The following TXN variants were observed in gnomAD, a reference collection of about 807,000 sequenced individuals.
The protein encoded by TXN is ADF.
Under a neutral mutation model 16.5 loss-of-function variants are expected in TXN, and 10 were observed. That is an observed-to-expected ratio of 0.61 (90% CI 0.37 to 1.03). The LOEUF (loss-of-function observed/expected upper bound fraction) is 1.03. TXN is among the 50% of genes least tolerant of loss of function. The pLI is 0.01. For missense variants in TXN, 71 were observed against 122.5 expected (o/e 0.58, Z 1.98); for synonymous variants, 35 against 39.4 (o/e 0.89, Z 0.42).
At chr9:110,252,213 G>T (rs1837748330) in intron 1 of TXN, among the ~76,000 whole-genome samples, 1 of 59,362 alleles carries the variant, frequency 1.7e-5, no homozygotes, top group African/African-American at 6.6e-5. Flanking sequence ...AATAGACGGA[G>T]ACTCTGTCGC....
Position 110,251,462 on chromosome 9 carries a change from TCTAACAG to T in TXN, c.25-7_25-1del. On this transcript the variant is annotated splice_acceptor_variant and splice_polypyrimidine_tract_variant and intron_variant, in intron 1 of 4. Coordinates refer to ENST00000374517, the MANE Select transcript of TXN (RefSeq NM_003329.4). LOFTEE classifies it high-confidence loss of function. ...GCGTCCAAGGCTTCCTGAAAAGCAGTCTAACAGCAAAAGAAAAGCTTATATTAAATAA... is the reference window on the plus strand; with the variant it reads ...GCGTCCAAGGCTTCCTGAAAAGCAGTCAAAAGAAAAGCTTATATTAAATAA... The T allele has an allele frequency of 6.3e-7, 1 of 1,597,076 alleles. No individual in the cohort carries two copies. The highest frequency in any genetic ancestry group is 1.1e-5 in the South Asian group (1 of 90,144).
chr9:110,245,602 T>TACACACACACACAC (rs1554766611), intron 3 of TXN, among the ~76,000 whole-genome samples: 6 of 62,498 alleles, frequency 9.6e-5, no homozygotes, highest in African/African-American at 2.8e-4. Flanking sequence ...TGTATATATA[T>TACACACACACACAC]ACACACACAC....
chr9:110,251,544 A>G (rs1165315126), intron 1 of TXN, 82 bp from the exon 2 acceptor site: 1 of 492,418 alleles, frequency 2.0e-6, no homozygotes, highest in African/African-American at 2.1e-5. Flanking sequence ...AATGACACAA[A>G]GCACATTCTG....
intron 3 of TXN, among the ~76,000 whole-genome samples, chr9:110,245,875 G>C (rs1401156295): frequency 1.3e-5 from 2 of 151,240 alleles, no homozygotes; most frequent in African/African-American, 4.9e-5. Context: ...GACTAGCCTG[G>C]CTAACACGGA....
chr9:110,250,816 A>G lies in TXN; in HGVS notation c.189+4T>C, dbSNP rs547279026. On this transcript the variant is annotated splice_donor_region_variant and intron_variant, in intron 3 of 4. Coordinates refer to ENST00000374517, the MANE Select transcript of TXN (RefSeq NM_003329.4). Reference sequence around the variant, plus strand: ...AGCAGTATCTCATATTTCCAGCTACATACCTGACAGTCATCCACATCTACT... The same window carrying G: ...AGCAGTATCTCATATTTCCAGCTACGTACCTGACAGTCATCCACATCTACT... The G allele has an allele frequency of 6.2e-7, 1 of 1,607,930 alleles. No homozygotes were observed. The highest frequency in any genetic ancestry group is 2.2e-5 in the East Asian group (1 of 44,788).
At position 110,256,341 on chromosome 9, in the gene TXN, C is replaced by G; in HGVS notation, c.24+71G>C. The G allele has an allele frequency of 6.5e-7, 1 of 1,530,544 alleles. No homozygotes were observed. Among genetic ancestry groups the G allele is most frequent in the Non-Finnish European group, 8.9e-7 (1 of 1,127,050 alleles). 94.8% of individuals were successfully genotyped at this position (1,530,544 alleles called of 1,614,324 possible). On this transcript the variant is annotated intron_variant, in intron 1 of 4. Coordinates refer to ENST00000374517, the MANE Select transcript of TXN (RefSeq NM_003329.4). The surrounding 1 kb of genome is among the most constrained non-coding windows in gnomAD (Gnocchi z 4.2). ...TCCCGCCACCGCCTTCCCCACCTCC[C>G]GCCACCGCCTTCCCCAGTTACAGAG... is the stretch of plus-strand genomic sequence containing the variant.
intron 1 of TXN, 54 bp from the exon 2 acceptor site, chr9:110,251,516 AAAAG>A: frequency 9.2e-7 from 1 of 1,089,542 alleles, no homozygotes; most frequent in Non-Finnish European, 1.3e-6. Context: ...TTAAACCTTC[AAAAG>A]AAAGACTCGA....
At chr9:110,251,300 T>G in intron 2 of TXN, 58 bp downstream of exon 2, 1 of 1,286,618 alleles carries the variant, frequency 7.8e-7, no homozygotes, top group Non-Finnish European at 1.1e-6. Flanking sequence ...CCTACCACTG[T>G]GACCACCAAC....
chr9:110,252,247 C>G (rs1207860529), intron 1 of TXN, among the ~76,000 whole-genome samples: 2 of 82,354 alleles, frequency 2.4e-5, no homozygotes, highest in Non-Finnish European at 4.9e-5. Flanking sequence ...AAAAAAAAAG[C>G]TATGACTTTT....
At chr9:110,249,307 T>TAA (rs71492877) in intron 3 of TXN, among the ~76,000 whole-genome samples, 22,109 of 143,312 alleles carry the variant, frequency 0.15, 2,258 homozygotes, top group African/African-American at 0.29. Flanking sequence ...ACACTCTTTT[T>TAA]AAAAAAAAAA....
chr9:110,248,761 T>C (rs1167886143), intron 3 of TXN, among the ~76,000 whole-genome samples: 2 of 151,974 alleles, frequency 1.3e-5, no homozygotes, highest in African/African-American at 4.8e-5. Flanking sequence ...ATAGTTATCG[T>C]GAGGATTAAA....
In TXN at chr9:110,245,641, TATATA is replaced by T. The variant is rs1837643921; in HGVS notation, c.190-803_190-799del. 1.4e-3 allele frequency among the ~76,000 whole-genome samples: 45 copies of T among 32,848 alleles called. 3 individuals are homozygous for T. The highest frequency in any genetic ancestry group is 2.7e-3 in the African/African-American group (20 of 7,382). The allele number at this position is 32,848 out of a possible 152,430, so 21.5% of individuals were successfully genotyped here. On this transcript the variant is annotated intron_variant, in intron 3 of 4. Coordinates refer to ENST00000374517, the MANE Select transcript of TXN (RefSeq NM_003329.4). ...CACTATATATATATATATATATATA[TATATA>T]TATATATATTTTTTTTTTTTTTTTT...
In TXN at chr9:110,247,603, T is replaced by C. The variant is rs191335994; in HGVS notation, c.190-2760A>G. Among the ~76,000 whole-genome samples the C allele has an allele frequency of 2.9e-4, 44 of 152,340 alleles. No individual in the cohort carries two copies. The East Asian group carries it at 8.3e-3, about 29-fold the overall frequency. ...TGCAATTACATACAAAGTATACCAC[T>C]ACAGACTGCTTTACCTGCGGAATAG... On this transcript the variant is annotated intron_variant, in intron 3 of 4. Coordinates refer to ENST00000374517, the MANE Select transcript of TXN (RefSeq NM_003329.4).
At chr9:110,254,445 T>G (rs1393754091) in intron 1 of TXN, among the ~76,000 whole-genome samples, 1 of 152,180 alleles carries the variant, frequency 6.6e-6, no homozygotes, top group Non-Finnish European at 1.5e-5. Flanking sequence ...TCGCTTGAAC[T>G]CAGGAGGTGG....
At chr9:110,246,927 G>T (rs1837667071) in intron 3 of TXN, among the ~76,000 whole-genome samples, 1 of 152,140 alleles carries the variant, frequency 6.6e-6, no homozygotes, top group Non-Finnish European at 1.5e-5. Flanking sequence ...AATAAGGTTG[G>T]TCTATCATTT....
intron 3 of TXN, 146 bp from the exon 4 acceptor site, chr9:110,244,989 A>G: frequency 1.9e-6 from 1 of 528,326 alleles, no homozygotes; most frequent in Admixed American, 3.0e-5. Flanking sequence ...ATGAAAATTA[A>G]TATAATGAAT....
chr9:110,253,314 C>A (rs1403246707), intron 1 of TXN, among the ~76,000 whole-genome samples: 1 of 152,080 alleles, frequency 6.6e-6, no homozygotes, highest in Non-Finnish European at 1.5e-5. Flanking sequence ...TTATGCAAAT[C>A]CCTGAACCCC....
chr9:110,245,635 TATATATATATATATATATA>T (rs1160890178), intron 3 of TXN, among the ~76,000 whole-genome samples: 3 of 25,760 alleles, frequency 1.2e-4, no homozygotes, highest in African/African-American at 3.6e-4. Context: ...TATATATATA[TATATATATATATATATATA>T]TTTTTTTTTT....
intron 1 of TXN, among the ~76,000 whole-genome samples, chr9:110,252,116 C>A (rs765583937): frequency 1.3e-5 from 2 of 150,342 alleles, no homozygotes; most frequent in Non-Finnish European, 2.9e-5. Context: ...CCCAGCCACT[C>A]AGGAGGCTGA....
Sources: gnomAD v4.1 joint callset for allele counts (sites outside exome capture counted in the v4.1 genomes callset) on GRCh38, gnomAD v4.1.1 for gene constraint, Gnocchi (gnomAD v3.1) non-coding constraint, MANE v1.5 for transcripts, NCBI Gene and HGNC (gene_info 2026-07-23, HGNC 2026-07-21) for gene names.